CNTNAP5: variants seen among roughly 807,000 people sequenced by gnomAD.
CNTNAP5 encodes contactin associated protein family member 5, also known as contactin-associated protein-like 5.
CNTNAP5 carries 72 observed loss-of-function variants against 150.2 expected under a neutral mutation model. The observed-to-expected ratio is 0.48, with a 90% CI of 0.40 to 0.58. CNTNAP5 has a LOEUF of 0.58. CNTNAP5 is among the 20% of genes least tolerant of loss of function. The pLI, the probability that CNTNAP5 is intolerant of heterozygous loss-of-function variation, is 0.00. For synonymous variants in CNTNAP5, 672 were observed against 619.8 expected (o/e 1.08, Z -1.25); for missense variants, 1,636 against 1,626.2 (o/e 1.01, Z -0.10).
chr2:124,540,690 TC>T (rs1695359945), intron 10 of CNTNAP5, among the ~76,000 whole-genome samples: 1 of 152,056 alleles, frequency 6.6e-6, no homozygotes, highest in East Asian at 1.9e-4. Context: ...ATTCATTCAT[TC>T]ATTCATTCAT....
At chr2:124,150,136 C>A (rs185117538) in intron 1 of CNTNAP5, among the ~76,000 whole-genome samples, 3 of 151,986 alleles carry the variant, frequency 2.0e-5, no homozygotes, top group Non-Finnish European at 2.9e-5. Flanking sequence ...TCTACAAGAG[C>A]GTGTGGATTT....
intron 3 of CNTNAP5, among the ~76,000 whole-genome samples, chr2:124,358,592 A>G (rs1264681228): frequency 2.6e-5 from 4 of 152,168 alleles, no homozygotes; most frequent in African/African-American, 9.7e-5. Flanking sequence ...CTCTGTTTAT[A>G]TGATGGATTA....
At chr2:124,274,098 A>G (rs1687825303) in intron 3 of CNTNAP5, among the ~76,000 whole-genome samples, 1 of 152,218 alleles carries the variant, frequency 6.6e-6, no homozygotes, top group African/African-American at 2.4e-5. Context: ...TTATTTCAAT[A>G]TATGATAATT....
At chr2:124,027,347 C>T (rs914535479) in intron 1 of CNTNAP5, among the ~76,000 whole-genome samples, 5 of 152,144 alleles carry the variant, frequency 3.3e-5, no homozygotes, top group African/African-American at 4.8e-5. Flanking sequence ...GATACAAAGG[C>T]GTGGCAGCAA....
intron 19 of CNTNAP5, among the ~76,000 whole-genome samples, chr2:124,843,544 C>G (rs1366130723): frequency 6.6e-6 from 1 of 151,566 alleles, no homozygotes; most frequent in Non-Finnish European, 1.5e-5. Flanking sequence ...ATTGCTGAAT[C>G]TAACCGTAGA....
At chr2:124,521,581 G>A (rs1041399355) in intron 8 of CNTNAP5, among the ~76,000 whole-genome samples, 4 of 152,070 alleles carry the variant, frequency 2.6e-5, no homozygotes, top group Non-Finnish European at 2.9e-5. Context: ...TACCTAATTC[G>A]AGGGGACACT....
intron 3 of CNTNAP5, among the ~76,000 whole-genome samples, chr2:124,246,648 T>C (rs577360005): frequency 6.3e-4 from 96 of 152,280 alleles, no homozygotes; most frequent in Middle Eastern, 3.4e-3. Flanking sequence ...TTGAAAGATA[T>C]GCCAGAAGAA....
At chr2:124,241,296 G>T (rs1237757579) in intron 2 of CNTNAP5, among the ~76,000 whole-genome samples, 1 of 152,088 alleles carries the variant, frequency 6.6e-6, no homozygotes, top group African/African-American at 2.4e-5. Flanking sequence ...TTGTATGTGT[G>T]TCAGAATGCC....
In CNTNAP5 at chr2:124,599,116, C is replaced by G. The variant is rs569796272; in HGVS notation, c.1757-10685C>G. On this transcript the variant is annotated intron_variant, in intron 11 of 23. Coordinates refer to ENST00000682447, the MANE Select transcript of CNTNAP5 (RefSeq NM_001367498.1). Reference sequence around the variant, plus strand: ...AATCACCCGTCTTCTGCGTCGCTCACGCTGGGAGCTGTAGACCGGAGCTGT... The same window carrying G: ...AATCACCCGTCTTCTGCGTCGCTCAGGCTGGGAGCTGTAGACCGGAGCTGT... Among the ~76,000 whole-genome samples, 7 of 152,298 alleles carry G rather than the reference C, an allele frequency of 4.6e-5. No homozygotes were observed. The East Asian group carries it at 7.7e-4, about 17-fold the overall frequency.
At chr2:124,762,062 G>A (rs865970778) in intron 14 of CNTNAP5, among the ~76,000 whole-genome samples, 10 of 152,092 alleles carry the variant, frequency 6.6e-5, no homozygotes, top group Non-Finnish European at 1.0e-4. Context: ...ATTCCACTTC[G>A]GCTGTTTGGA....
chr2:124,589,841 T>A (rs1426651822), intron 11 of CNTNAP5, among the ~76,000 whole-genome samples: 1 of 152,186 alleles, frequency 6.6e-6, no homozygotes, highest in Non-Finnish European at 1.5e-5. Flanking sequence ...GCAGAATAGT[T>A]TCATCATGAG....
At chr2:124,394,523 G>A (rs994584824) in intron 3 of CNTNAP5, among the ~76,000 whole-genome samples, 2 of 152,110 alleles carry the variant, frequency 1.3e-5, no homozygotes, top group Non-Finnish European at 2.9e-5. Flanking sequence ...ACAGAGAATG[G>A]CTTAGACTTC....
Position 124,417,531 on chromosome 2 carries a change from T to C in CNTNAP5, c.470T>C (p.Leu157Pro), listed in dbSNP as rs776252735. 4 of 1,613,798 alleles carry C rather than the reference T, an allele frequency of 2.5e-6. No homozygotes were observed. Among genetic ancestry groups the C allele is most frequent in the Non-Finnish European group, 3.4e-6 (4 of 1,179,826 alleles). ...VRARFVRFVP[L>P]EWNPSGKIGM... ...GCCCGATTTGTTCGCTTTGTGCCCC[T>C]GGAATGGAATCCCAGTGGGAAGATT... Residue 157 changes from leucine (L) to proline (P), a missense_variant, in exon 4 of 24, where the codon CTG becomes CCG. Physicochemically the swap from Leu to Pro is moderately conservative, Grantham distance 98. Transcript: ENST00000682447.
intron 12 of CNTNAP5, among the ~76,000 whole-genome samples, chr2:124,620,959 C>T (rs919382970): frequency 6.6e-6 from 1 of 152,128 alleles, no homozygotes; most frequent in Non-Finnish European, 1.5e-5. Context: ...GAAATAGAAT[C>T]TTTACTTGTA....
rs566627823 is a variant in CNTNAP5, at chr2:124,403,949, C to T, written c.382-13494C>T. 4.6e-5 allele frequency among the ~76,000 whole-genome samples: 7 copies of T among 152,250 alleles called. No individual in the cohort carries two copies. In the South Asian group the frequency reaches 8.3e-4, roughly 18 times the overall value. ...GTCTCGTGAGACTTATTCACTAGCA[C>T]GAGAATAGCATGGAAAAAAACCCAC... On this transcript the variant is annotated intron_variant, in intron 3 of 23. Coordinates refer to ENST00000682447, the MANE Select transcript of CNTNAP5 (RefSeq NM_001367498.1).
chr2:124,077,762 G>T (rs1156926371), intron 1 of CNTNAP5, among the ~76,000 whole-genome samples: 1 of 152,166 alleles, frequency 6.6e-6, no homozygotes, highest in African/African-American at 2.4e-5. Context: ...TTTATAGAAA[G>T]TAGGTAGAAT....
chr2:124,640,125 A>G (rs145938722), intron 12 of CNTNAP5, among the ~76,000 whole-genome samples: 1 of 152,260 alleles, frequency 6.6e-6, no homozygotes, highest in East Asian at 1.9e-4. Context: ...TTAAATAATA[A>G]TAATAAACTA....
At chr2:124,590,833 A>T (rs935263181) in intron 11 of CNTNAP5, among the ~76,000 whole-genome samples, 1 of 152,280 alleles carries the variant, frequency 6.6e-6, no homozygotes, top group South Asian at 2.1e-4. Flanking sequence ...CAGAAACACC[A>T]CATCTCTGAC....
intron 1 of CNTNAP5, among the ~76,000 whole-genome samples, chr2:124,144,095 G>A (rs1266692348): frequency 7.4e-6 from 1 of 135,878 alleles, no homozygotes; most frequent in East Asian, 2.3e-4. Context: ...GGGATGTGAA[G>A]GACCTCTTCA....
Sources: gnomAD v4.1 joint callset for allele counts (sites outside exome capture counted in the v4.1 genomes callset) on GRCh38, gnomAD v4.1.1 for gene constraint, MANE v1.5 for transcripts, NCBI Gene and HGNC (gene_info 2026-07-23, HGNC 2026-07-21) for gene names.